The following SLC6A17 variants were observed in gnomAD, a reference collection of about 807,000 sequenced individuals.
SLC6A17 encodes the protein sodium-dependent neutral amino acid transporter SLC6A17.
Under a neutral mutation model 64.5 loss-of-function variants are expected in SLC6A17, and 21 were observed. The ratio of observed to expected loss-of-function variants is 0.33; its 90% CI spans 0.23 to 0.47. The LOEUF (loss-of-function observed/expected upper bound fraction) is 0.47. Among genes scored for constraint, SLC6A17 ranks in the 20% least tolerant of loss-of-function variants. SLC6A17 has a pLI of 1.00. For synonymous variants in SLC6A17, 372 were observed against 399.5 expected, an observed-to-expected ratio of 0.93 and a Z score of 0.82; for missense variants, 682 against 963.2, an observed-to-expected ratio of 0.71 and a Z score of 3.86.
At chr1:110,189,883 C>G (rs952905312) in intron 6 of SLC6A17, among the ~76,000 whole-genome samples, 2 of 152,236 alleles carry the variant, frequency 1.3e-5, no homozygotes, top group African/African-American at 4.8e-5. Flanking sequence ...CCAACTTGTT[C>G]AGATCCCCTT....
rs541149314 is a variant in SLC6A17 at position 110,151,277 on chromosome 1, T to C, written c.-88+394T>C. ...TGAAACTGCGCGCCCAGGGCGCAGT[T>C]CCACTGGGAGCCTCTTACGCAGCTG... On this transcript the variant is annotated intron_variant, in intron 1 of 11. Transcript: ENST00000331565. Among the ~76,000 whole-genome samples, 7 of 152,316 alleles carry C rather than the reference T, an allele frequency of 4.6e-5. No individual in the cohort carries two copies. In the East Asian group the frequency reaches 1.2e-3, roughly 25 times the overall value.
At chr1:110,191,513 G>A (rs1324488622) in intron 6 of SLC6A17, among the ~76,000 whole-genome samples, 1 of 152,104 alleles carries the variant, frequency 6.6e-6, no homozygotes, top group Non-Finnish European at 1.5e-5. Context: ...GGTGGAGAAG[G>A]CGTCAGGGAG....
At chr1:110,186,644 A>T (rs543234211) in intron 6 of SLC6A17, among the ~76,000 whole-genome samples, 12 of 150,536 alleles carry the variant, frequency 8.0e-5, no homozygotes, top group African/African-American at 2.9e-4. Flanking sequence ...AACTCATAGA[A>T]AAAGGTCAGC....
chr1:110,166,006 G>C (rs1312090040), intron 1 of SLC6A17, among the ~76,000 whole-genome samples: 1 of 152,236 alleles, frequency 6.6e-6, no homozygotes, highest in Non-Finnish European at 1.5e-5. Flanking sequence ...ATGAGGACTG[G>C]CAGGAGTAGG....
chr1:110,197,348 C>T (rs745864424), intron 10 of SLC6A17, 89 bp from the exon 11 acceptor site: 81 of 1,507,080 alleles, frequency 5.4e-5, no homozygotes, highest in South Asian at 4.6e-4. Flanking sequence ...GACTGGGAAA[C>T]GAAGACTTTC....
At chr1:110,155,611 C>T (rs1655735119) in intron 1 of SLC6A17, among the ~76,000 whole-genome samples, 1 of 152,120 alleles carries the variant, frequency 6.6e-6, no homozygotes. Flanking sequence ...GCCCTGGGGT[C>T]ACCTCATTAG....
intron 1 of SLC6A17, among the ~76,000 whole-genome samples, chr1:110,162,275 G>A (rs1655933306): frequency 1.3e-5 from 2 of 152,248 alleles, no homozygotes; most frequent in African/African-American, 4.8e-5. Flanking sequence ...GATGGAGGGT[G>A]GCAGGGCAGA....
chr1:110,173,936 T>TCATTAAAAA, intron 3 of SLC6A17, 37 bp from the exon 4 acceptor site: 1 of 1,589,984 alleles, frequency 6.3e-7, no homozygotes, highest in Non-Finnish European at 8.6e-7. Flanking sequence ...TGGAGTTGCC[T>TCATTAAAAA]GCAGCCTCAG....
chr1:110,156,488 A>G (rs1362533797), intron 1 of SLC6A17, among the ~76,000 whole-genome samples: 1 of 152,186 alleles, frequency 6.6e-6, no homozygotes, highest in African/African-American at 2.4e-5. Context: ...GTGTCATGAC[A>G]TGCAAAAGAT....
intron 5 of SLC6A17, among the ~76,000 whole-genome samples, chr1:110,175,618 C>T (rs975873656): frequency 6.6e-6 from 1 of 152,196 alleles, no homozygotes; most frequent in African/African-American, 2.4e-5. Flanking sequence ...GAAAGTGAGG[C>T]CCAGAGAGGG....
At chr1:110,187,135 C>CAAAAACAAA (rs1490317119) in intron 6 of SLC6A17, among the ~76,000 whole-genome samples, 1 of 151,872 alleles carries the variant, frequency 6.6e-6, no homozygotes, top group East Asian at 1.9e-4. Flanking sequence ...AAAACAAAAA[C>CAAAAACAAA]AAAAACAAAA....
chr1:110,151,468 C>A (rs530951249), intron 1 of SLC6A17, among the ~76,000 whole-genome samples: 20 of 152,230 alleles, frequency 1.3e-4, no homozygotes, highest in Non-Finnish European at 2.5e-4. Context: ...TCGTGGGAAG[C>A]GCATCTGGGG....
intron 1 of SLC6A17, among the ~76,000 whole-genome samples, chr1:110,161,606 TC>T (rs1405536314): frequency 6.6e-6 from 1 of 151,930 alleles, no homozygotes; most frequent in East Asian, 1.9e-4. Flanking sequence ...AGATGGTGGC[TC>T]CCCCACTCAC....
chr1:110,168,664 GCAAC>G, intron 2 of SLC6A17, among the ~76,000 whole-genome samples: 1 of 152,302 alleles, frequency 6.6e-6, no homozygotes, highest in Admixed American at 6.5e-5. Context: ...GAGCTCCAAG[GCAAC>G]CAAAATGACT....
At position 110,192,049 on chromosome 1, in the gene SLC6A17, T is replaced by C. The variant is rs1157340335; in HGVS notation, c.942T>C (p.Gly314=). 1 of 1,614,058 alleles carries C rather than the reference T, an allele frequency of 6.2e-7. No homozygotes were observed. Among genetic ancestry groups the C allele is most frequent in the East Asian group, 2.2e-5 (1 of 44,898 alleles). The stretch of plus-strand genomic sequence containing the variant: ...TCTTTGCCTTGGGCCTGGGCTTTGG[T>C]GGTGTCATTGCCTTCTCCAGCTACA... The part of the protein sequence containing the change: ...QVFFALGLGF[G]GVIAFSSYNK... The change falls in exon 7 of 12, where the codon GGT becomes GGC. Residue 314 remains glycine, a synonymous_variant. Transcript: ENST00000331565. This position sits in a 1 kb window ranked among gnomAD's most constrained non-coding sequence, Gnocchi z 4.3.
intron 5 of SLC6A17, among the ~76,000 whole-genome samples, 179 bp downstream of exon 5, chr1:110,175,139 C>T (rs1025945443): frequency 2.6e-5 from 4 of 152,188 alleles, no homozygotes; most frequent in Non-Finnish European, 5.9e-5. Flanking sequence ...ACAGCCTACC[C>T]GGAATGGAAT....
chr1:110,164,611 C>T (rs550160084), intron 1 of SLC6A17, among the ~76,000 whole-genome samples: 90 of 152,330 alleles, frequency 5.9e-4, no homozygotes, highest in Non-Finnish European at 1.1e-3. Flanking sequence ...GGGCCCCCAT[C>T]CCTCAGTGCG....
chr1:110,171,187 G>A (rs1656214365), intron 2 of SLC6A17, among the ~76,000 whole-genome samples: 1 of 152,186 alleles, frequency 6.6e-6, no homozygotes, highest in Admixed American at 6.5e-5. Context: ...AGAGGGTGCT[G>A]GGTGACCATC....
Position 110,190,089 on chromosome 1 carries a change from G to A in SLC6A17, c.865-1883G>A, listed in dbSNP as rs938040380. On this transcript the variant is annotated intron_variant, in intron 6 of 11. Coordinates refer to ENST00000331565, the MANE Select transcript of SLC6A17 (RefSeq NM_001010898.4). ...AGGCCTGGCCCACAGCAGGTGCTCA[G>A]AGATTGATGGATGAGTGGCTACATG... Among the ~76,000 whole-genome samples the A allele has an allele frequency of 1.3e-5, 2 of 152,198 alleles. 1 individual carries two copies. The highest frequency in any genetic ancestry group is 1.3e-4 in the Admixed American group (2 of 15,294).
Sources: gnomAD v4.1 joint callset for allele counts (sites outside exome capture counted in the v4.1 genomes callset) on GRCh38, gnomAD v4.1.1 for gene constraint, Gnocchi (gnomAD v3.1) non-coding constraint, MANE v1.5 for transcripts, NCBI Gene and HGNC (gene_info 2026-07-23, HGNC 2026-07-21) for gene names.